The following LTBP1 variants were observed in gnomAD, a reference collection of about 807,000 sequenced individuals.
LTBP1 encodes the protein latent transforming growth factor beta binding protein 1, also known as latent-transforming growth factor beta-binding protein 1.
LTBP1 carries 129 observed loss-of-function variants against 207.6 expected under a neutral mutation model. The ratio of observed to expected loss-of-function variants is 0.62; its 90% CI spans 0.54 to 0.72. The LOEUF (loss-of-function observed/expected upper bound fraction) is 0.72, where lower values mean the gene tolerates loss of function less well. Among genes scored for constraint, LTBP1 ranks in the 30% least tolerant of loss-of-function variants. The pLI is 0.00. For synonymous variants in LTBP1, 963 were observed against 833.7 expected, an observed-to-expected ratio of 1.16 and a Z score of -2.67; for missense variants, 2,281 against 2,217.2, an observed-to-expected ratio of 1.03 and a Z score of -0.58.
At chr2:33,042,724 A>G (rs1360690927) in intron 3 of LTBP1, among the ~76,000 whole-genome samples, 1 of 152,248 alleles carries the variant, frequency 6.6e-6, no homozygotes, top group Non-Finnish European at 1.5e-5. Flanking sequence ...ATCTAAGCAG[A>G]TACTTTTAGG....
In LTBP1 at chr2:33,051,846, A is replaced by G. The variant is rs187865071; in HGVS notation, c.863+30640A>G. 2.6e-5 allele frequency among the ~76,000 whole-genome samples: 4 copies of G among 152,324 alleles called. No homozygotes were observed. In the East Asian group the frequency reaches 5.8e-4, roughly 22 times the overall value. On this transcript the variant is annotated intron_variant, in intron 3 of 33. Coordinates refer to ENST00000404816, the MANE Select transcript of LTBP1 (RefSeq NM_206943.4). The stretch of plus-strand genomic sequence containing the variant: ...CTACCATCTAAGTCCTAGAAGGCCT[A>G]TCAACTCTCCCCAGGAAATGTAGAA...
At chr2:33,295,867 C>T (rs1573679843) in intron 20 of LTBP1, among the ~76,000 whole-genome samples, 1 of 152,160 alleles carries the variant, frequency 6.6e-6, no homozygotes, top group East Asian at 1.9e-4. Flanking sequence ...ATCGAGGCCT[C>T]TTCCACTGGC....
At chr2:33,065,218 TC>T (rs2077449822) in intron 3 of LTBP1, among the ~76,000 whole-genome samples, 1 of 152,182 alleles carries the variant, frequency 6.6e-6, no homozygotes, top group Admixed American at 6.5e-5. Flanking sequence ...GTTAGTTAAA[TC>T]AATTAAGTTT....
At chr2:33,027,260 A>T (rs2075464545) in intron 3 of LTBP1, among the ~76,000 whole-genome samples, 1 of 152,200 alleles carries the variant, frequency 6.6e-6, no homozygotes, top group Non-Finnish European at 1.5e-5. Context: ...TTTACAGTAT[A>T]CATGATATTT....
chr2:32,993,827 C>T (rs1312624722), intron 2 of LTBP1, among the ~76,000 whole-genome samples: 1 of 152,198 alleles, frequency 6.6e-6, no homozygotes, highest in East Asian at 1.9e-4. Context: ...CTCAGGGTCA[C>T]ATGGCACATG....
At chr2:33,195,509 G>A (rs1002322184) in intron 7 of LTBP1, among the ~76,000 whole-genome samples, 9 of 152,254 alleles carry the variant, frequency 5.9e-5, no homozygotes, top group Non-Finnish European at 1.0e-4. Context: ...AAGAGAACTC[G>A]AGTTAGAAGT....
chr2:33,024,171 T>G (rs2075305663), intron 3 of LTBP1, among the ~76,000 whole-genome samples: 1 of 152,230 alleles, frequency 6.6e-6, no homozygotes, highest in African/African-American at 2.4e-5. Flanking sequence ...ATAAAATGTC[T>G]GCTTTCTTGG....
chr2:33,335,999 C>A (rs1406158332), intron 24 of LTBP1, among the ~76,000 whole-genome samples: 4 of 152,166 alleles, frequency 2.6e-5, no homozygotes, highest in Non-Finnish European at 5.9e-5. Context: ...CTGAGACTTG[C>A]AACCATGGGT....
intron 20 of LTBP1, among the ~76,000 whole-genome samples, chr2:33,297,959 C>T (rs909528309): frequency 1.2e-4 from 19 of 152,098 alleles, no homozygotes; most frequent in African/African-American, 4.3e-4. Flanking sequence ...ACTCTGGATC[C>T]ATCTGATGTT....
rs2094949744 is a variant in LTBP1, at chr2:33,363,528, A to AG, written c.4399+15dup. 1.2e-6 allele frequency: 2 copies of AG among 1,613,400 alleles called. No individual in the cohort carries two copies. Among genetic ancestry groups the AG allele is most frequent in the African/African-American group, 2.7e-5 (2 of 74,918 alleles). On this transcript the variant is annotated intron_variant, in intron 29 of 33. Transcript: ENST00000404816. ...AAACTGCAGTGCTTTGGTAAGCTTT[A>AG]GGGGGATATAGTATGGTGTACTGTG...
chr2:32,989,802 A>G (rs1224495393), intron 2 of LTBP1, among the ~76,000 whole-genome samples: 1 of 152,232 alleles, frequency 6.6e-6, no homozygotes, highest in African/African-American at 2.4e-5. Flanking sequence ...CTTACTAGCT[A>G]TATGACCTCT....
intron 7 of LTBP1, among the ~76,000 whole-genome samples, chr2:33,207,197 G>GT (rs920026563): frequency 2.6e-5 from 4 of 151,752 alleles, no homozygotes; most frequent in South Asian, 4.2e-4. Flanking sequence ...GCTTAAGAGG[G>GT]TTTTTTTTCC....
At chr2:33,348,506 A>C (rs1372967247) in intron 26 of LTBP1, among the ~76,000 whole-genome samples, 2 of 152,224 alleles carry the variant, frequency 1.3e-5, no homozygotes, top group Non-Finnish European at 2.9e-5. Flanking sequence ...TATTCCATAA[A>C]GAAGAGACTT....
In LTBP1 at chr2:33,365,541, G is replaced by A. The variant is rs114137007; in HGVS notation, c.4711+38G>A. 1.9e-6 allele frequency: 3 copies of A among 1,597,114 alleles called. No homozygotes were observed. The African/African-American group carries it at 4.0e-5, about 21-fold the overall frequency. On this transcript the variant is annotated intron_variant, in intron 31 of 33. Transcript: ENST00000404816. ...CCAATTCCTTCTGCAGGAGGCCTTT[G>A]GGGACAAGTTCATCTCACCTCCTTT...
chr2:33,125,404 A>G (rs2081369309), intron 4 of LTBP1, among the ~76,000 whole-genome samples: 1 of 152,182 alleles, frequency 6.6e-6, no homozygotes. Context: ...ATTCATGTAT[A>G]CGGTGCTTTT....
chr2:33,121,537 A>AC (rs1263044468), intron 4 of LTBP1, among the ~76,000 whole-genome samples: 2 of 151,896 alleles, frequency 1.3e-5, no homozygotes, highest in South Asian at 2.1e-4. Context: ...TTTAACCAAC[A>AC]CCCCTTAATG....
At chr2:33,347,646 T>G in intron 26 of LTBP1, 136 bp downstream of exon 26, 1 of 1,013,622 alleles carries the variant, frequency 9.9e-7, no homozygotes, top group Non-Finnish European at 1.4e-6. Flanking sequence ...TCTGGAAGCT[T>G]CCATGATCTT....
At chr2:33,197,820 C>G (rs1363554884) in intron 7 of LTBP1, among the ~76,000 whole-genome samples, 2 of 152,162 alleles carry the variant, frequency 1.3e-5, no homozygotes, top group Non-Finnish European at 2.9e-5. Flanking sequence ...TTGCACAAGC[C>G]TGTGCTCTTT....
At chr2:33,223,742 T>A (rs964492218) in intron 9 of LTBP1, among the ~76,000 whole-genome samples, 12 of 152,110 alleles carry the variant, frequency 7.9e-5, no homozygotes, top group African/African-American at 2.9e-4. Flanking sequence ...TCAGACTGAT[T>A]TGGGGTTTGG....
Sources: gnomAD v4.1 joint callset for allele counts (sites outside exome capture counted in the v4.1 genomes callset) on GRCh38, gnomAD v4.1.1 for gene constraint, MANE v1.5 for transcripts, NCBI Gene and HGNC (gene_info 2026-07-23, HGNC 2026-07-21) for gene names.